DNAH8: variants seen among roughly 807,000 people sequenced by gnomAD.
The protein encoded by DNAH8 is axonemal beta dynein heavy chain 8.
In DNAH8, 382 loss-of-function variants were observed where a neutral mutation model predicts 562.1. The ratio of observed to expected loss-of-function variants is 0.68; its 90% CI spans 0.63 to 0.74. The LOEUF (loss-of-function observed/expected upper bound fraction) is 0.74. Among genes scored for constraint, DNAH8 ranks in the 30% least tolerant of loss-of-function variants. The pLI is 0.00. For synonymous variants in DNAH8, 1,881 were observed against 1,919.4 expected (o/e 0.98, Z 0.52); for missense variants, 5,203 against 5,620.4 (o/e 0.93, Z 2.37).
intron 91 of DNAH8, among the ~76,000 whole-genome samples, chr6:39,016,290 G>A (rs1766563438): frequency 6.6e-6 from 1 of 152,054 alleles, no homozygotes; most frequent in African/African-American, 2.4e-5. Flanking sequence ...GGTGGCTCAC[G>A]CGTGTAATCC....
chr6:38,726,769 A>C (rs969387735), intron 3 of DNAH8, among the ~76,000 whole-genome samples: 5 of 151,646 alleles, frequency 3.3e-5, no homozygotes, highest in Non-Finnish European at 7.4e-5. Flanking sequence ...GTGAGTAAAG[A>C]GATGGAACAA....
At chr6:39,000,123 T>G (rs546709534) in intron 88 of DNAH8, among the ~76,000 whole-genome samples, 1 of 152,286 alleles carries the variant, frequency 6.6e-6, no homozygotes, top group Admixed American at 6.5e-5. Context: ...AAACAAACAT[T>G]TGTTGAGAAC....
rs58506577 is a variant in DNAH8, at chr6:38,958,669, A to AG, written c.12451+7150dup. On this transcript the variant is annotated intron_variant, in intron 82 of 92. Transcript: ENST00000327475. ...ATCAAAAAAAAAAAAAAAAAAAAAA[A>AG]GCCCAGGAACTGATGGCTTCATTAT... 1.1e-3 allele frequency among the ~76,000 whole-genome samples: 159 copies of AG among 147,950 alleles called. 2 individuals are homozygous for AG. Among genetic ancestry groups the AG allele is most frequent in the African/African-American group, 3.9e-3 (152 of 39,310 alleles).
chr6:38,891,521 A>C (rs1779340463), intron 58 of DNAH8, among the ~76,000 whole-genome samples: 1 of 151,938 alleles, frequency 6.6e-6, no homozygotes, highest in African/African-American at 2.4e-5. Flanking sequence ...AGACTGGGGG[A>C]TTTCTAGATA....
At chr6:38,909,907 T>G (rs1265783666) in intron 65 of DNAH8, among the ~76,000 whole-genome samples, 163 bp downstream of exon 65, 1 of 152,222 alleles carries the variant, frequency 6.6e-6, no homozygotes, top group Non-Finnish European at 1.5e-5. Flanking sequence ...TATGAAGAGA[T>G]GGCAAGTAAA....
At chr6:38,761,046 G>T (rs1766444160) in intron 10 of DNAH8, among the ~76,000 whole-genome samples, 1 of 148,254 alleles carries the variant, frequency 6.7e-6, no homozygotes. Flanking sequence ...CCCTTTTCTG[G>T]CTCACTCATT....
chr6:38,938,120 C>T lies in DNAH8; in HGVS notation c.11710C>T (p.Arg3904Cys), dbSNP rs1167415185. The T allele has an allele frequency of 3.7e-6, 6 of 1,613,964 alleles. No homozygotes were observed. The highest frequency in any genetic ancestry group is 2.2e-5 in the East Asian group (1 of 44,850). ...GGAGGAGTTCCGGCCCGCAGCCACC[C>T]GCGGAAGCATCCTCTACTTCCTCAT... ...AQEEFRPAAT[R>C]GSILYFLITE... The change falls in exon 78 of 93, where the codon CGC becomes TGC. Residue 3904 changes from arginine to cysteine, a missense_variant. Transcript: ENST00000327475.
intron 87 of DNAH8, among the ~76,000 whole-genome samples, chr6:38,985,607 T>A (rs1254790428): frequency 6.6e-6 from 1 of 152,204 alleles, no homozygotes; most frequent in East Asian, 1.9e-4. Context: ...ACAGACCTCC[T>A]GGAAAGCAGT....
intron 10 of DNAH8, among the ~76,000 whole-genome samples, chr6:38,761,075 TG>T (rs1213508978): frequency 1.3e-5 from 2 of 149,802 alleles, no homozygotes; most frequent in South Asian, 2.1e-4. Flanking sequence ...ATTTTTTTTT[TG>T]GATTGTATTT....
chr6:38,950,728 C>T (rs1375273169), intron 81 of DNAH8, among the ~76,000 whole-genome samples: 4 of 152,042 alleles, frequency 2.6e-5, no homozygotes, highest in South Asian at 2.1e-4. Flanking sequence ...CATGAGCCAC[C>T]GTGCCTGGCC....
chr6:38,980,211 C>G (rs1027667217), intron 85 of DNAH8, among the ~76,000 whole-genome samples: 2 of 139,048 alleles, frequency 1.4e-5, no homozygotes, highest in African/African-American at 6.8e-5. Flanking sequence ...ATGATTCTTT[C>G]CCCCAAGGTG....
chr6:38,982,444 T>C lies in DNAH8; in HGVS notation c.12933T>C (p.Asp4311=), dbSNP rs143973202. The change falls in exon 86 of 93, where the codon GAT becomes GAC. Residue 4311 remains aspartate, a synonymous_variant. Transcript: ENST00000327475. ...ASVQFIQNHL[D]ECDIKKGVSW... is the part of the protein sequence containing the mutation. ...TTCAGTTTATTCAGAATCACCTTGA[T>C]GAATGCGATATTAAGAAAGTGAGTG... The C allele has an allele frequency of 2.8e-5, 44 of 1,544,484 alleles. No homozygotes were observed. The African/African-American group carries it at 4.2e-4, about 15-fold the overall frequency.
In DNAH8 at chr6:38,932,086, T is replaced by A. The variant is rs9296269; in HGVS notation, c.11457+93T>A. 20,698 of 950,802 alleles carry A rather than the reference T, an allele frequency of 0.022. 2,531 individuals carry two copies. The African/African-American group carries it at 0.29, about 13-fold the overall frequency. 58.9% of individuals were successfully genotyped at this position (950,802 alleles called of 1,614,324 possible). ...TAAGTATGTGAAAAAGAAAAAAAAATTTAAAAACCATATTTATCCTTGTTA... is the reference window on the plus strand; with the variant it reads ...TAAGTATGTGAAAAAGAAAAAAAAAATTAAAAACCATATTTATCCTTGTTA... On this transcript the variant is annotated intron_variant, in intron 76 of 92. Transcript: ENST00000327475.
At chr6:38,986,941 C>T (rs1030418418) in intron 87 of DNAH8, among the ~76,000 whole-genome samples, 1 of 152,226 alleles carries the variant, frequency 6.6e-6, no homozygotes, top group South Asian at 2.1e-4. Context: ...GCCATGAGGG[C>T]AGGGACTTTG....
chr6:38,990,075 T>C lies in DNAH8; in HGVS notation c.13117T>C (p.Leu4373=). The C allele has an allele frequency of 6.3e-7, 1 of 1,599,740 alleles. No individual in the cohort carries two copies. Among genetic ancestry groups the C allele is most frequent in the Non-Finnish European group, 8.6e-7 (1 of 1,166,876 alleles). Residue 4373 remains leucine, a synonymous_variant, in exon 88 of 93, where the codon TTA becomes CTA. Transcript: ENST00000327475. ...CTTTTATACTGGATATAAAATCCCC[T>C]TATGCAAAACCTTAGACCAGTATTT... The part of the protein sequence containing the change: ...FCFYTGYKIP[L]CKTLDQYFEY...
intron 63 of DNAH8, among the ~76,000 whole-genome samples, chr6:38,906,785 A>C (rs918469341): frequency 3.9e-5 from 6 of 152,102 alleles, no homozygotes; most frequent in Non-Finnish European, 7.4e-5. Context: ...TTGTATCAGC[A>C]CTTCCGTGAG....
chr6:38,797,482 A>G (rs1288108704), intron 21 of DNAH8, among the ~76,000 whole-genome samples: 1 of 152,134 alleles, frequency 6.6e-6, no homozygotes, highest in Admixed American at 6.5e-5. Flanking sequence ...ATTTTGCTGT[A>G]AGCTTCCCTG....
chr6:38,848,364 A>G (rs1223979453), intron 36 of DNAH8, among the ~76,000 whole-genome samples: 2 of 152,086 alleles, frequency 1.3e-5, no homozygotes. Flanking sequence ...CCCAGAAGCA[A>G]CCAGCACAGT....
intron 21 of DNAH8, 37 bp downstream of exon 21, chr6:38,791,711 A>G: frequency 1.2e-6 from 2 of 1,602,200 alleles, no homozygotes; most frequent in South Asian, 1.1e-5. Flanking sequence ...TCACAAAAAT[A>G]TTGGCCTATA....
Sources: allele counts gnomAD v4.1 joint callset (sites outside exome capture counted in the v4.1 genomes callset), GRCh38; gene constraint gnomAD v4.1.1; transcripts MANE v1.5; gene names NCBI Gene and HGNC (gene_info 2026-07-23, HGNC 2026-07-21).